The following EML1 variants were observed in gnomAD, a reference collection of about 807,000 sequenced individuals.
EML1 encodes echinoderm microtubule-associated protein-like 1.
EML1 carries 27 observed loss-of-function variants against 110.4 expected under a neutral mutation model. That is an observed-to-expected ratio of 0.24 (90% confidence interval 0.18 to 0.34). The LOEUF (loss-of-function observed/expected upper bound fraction) is 0.34, where lower values mean the gene tolerates loss of function less well. Among genes scored for constraint, EML1 ranks in the 10% least tolerant of loss-of-function variants. The pLI is 1.00. For synonymous variants in EML1, 344 were observed against 385.8 expected (o/e 0.89, Z 1.27); for missense variants, 741 against 1,030.9 (o/e 0.72, Z 3.85).
At chr14:99,893,488 G>T (rs1220417201) in intron 5 of EML1, among the ~76,000 whole-genome samples, 1 of 152,218 alleles carries the variant, frequency 6.6e-6, no homozygotes, top group Non-Finnish European at 1.5e-5. Flanking sequence ...GCAGTGTGAA[G>T]AGTGTGTCAC....
At chr14:99,797,322 A>G (rs577723483) in intron 1 of EML1, among the ~76,000 whole-genome samples, 69 of 152,330 alleles carry the variant, frequency 4.5e-4, no homozygotes, top group Admixed American at 2.0e-3. Flanking sequence ...GTGGAGAGAT[A>G]CCACACTGTT....
chr14:99,902,768 T>TCTTGGGGGGTCCCAAGATAA (rs1272872178), intron 9 of EML1, among the ~76,000 whole-genome samples: 2 of 152,202 alleles, frequency 1.3e-5, no homozygotes, highest in Admixed American at 6.5e-5. Flanking sequence ...ATTCCTCTCC[T>TCTTGGGGGGTCCCAAGATAA]CTTGGGGGGT....
intron 1 of EML1, among the ~76,000 whole-genome samples, chr14:99,805,070 G>A (rs1410869360): frequency 6.6e-6 from 1 of 152,186 alleles, no homozygotes; most frequent in Non-Finnish European, 1.5e-5. Context: ...CCGCTCCCTT[G>A]TCCTTCAGAA....
chr14:99,754,288 CA>C (rs1227300601), intron 1 of EML1, among the ~76,000 whole-genome samples: 2 of 152,250 alleles, frequency 1.3e-5, no homozygotes, highest in East Asian at 3.9e-4. Context: ...GTGACATCAC[CA>C]GCTTGGCGGG....
At chr14:99,849,460 T>C (rs866568113) in intron 1 of EML1, among the ~76,000 whole-genome samples, 12 of 152,166 alleles carry the variant, frequency 7.9e-5, no homozygotes, top group African/African-American at 2.9e-4. Context: ...TTTGCATTTA[T>C]TTTGCTTAGT....
At position 99,932,221 on chromosome 14, in the gene EML1, C is replaced by A. The variant is rs11847408; in HGVS notation, c.1910-3808C>A. Among the ~76,000 whole-genome samples, 1,153 of 152,306 alleles carry A rather than the reference C, an allele frequency of 7.6e-3. 24 individuals carry two copies. Among genetic ancestry groups the A allele is most frequent in the African/African-American group, 0.026 (1,085 of 41,562 alleles). The stretch of plus-strand genomic sequence containing the variant: ...GACTTCCCCAGGCAGAGGTGAGCTT[C>A]AACTCCTGCATGAAGACCGTGGATT... On this transcript the variant is annotated intron_variant, in intron 17 of 21. Coordinates refer to ENST00000262233, the MANE Select transcript of EML1 (RefSeq NM_004434.3).
chr14:99,803,659 A>G (rs2057921176), intron 1 of EML1, among the ~76,000 whole-genome samples: 1 of 152,244 alleles, frequency 6.6e-6, no homozygotes. Flanking sequence ...TCACTGGCTT[A>G]AAACAAATTA....
chr14:99,938,475 C>A (rs553071863), intron 20 of EML1, among the ~76,000 whole-genome samples: 4 of 152,194 alleles, frequency 2.6e-5, no homozygotes, highest in Non-Finnish European at 5.9e-5. Context: ...AGCTCCCAGT[C>A]GAAAACCCAA....
intron 1 of EML1, among the ~76,000 whole-genome samples, chr14:99,831,802 A>C (rs2058459294): frequency 6.6e-6 from 1 of 152,088 alleles, no homozygotes; most frequent in Admixed American, 6.5e-5. Flanking sequence ...TGAAATCATT[A>C]ACAAATATAC....
chr14:99,829,632 C>T (rs1744786418), intron 1 of EML1, among the ~76,000 whole-genome samples: 1 of 152,166 alleles, frequency 6.6e-6, no homozygotes, highest in South Asian at 2.1e-4. Context: ...CTCCCCATCC[C>T]TCCCGCCTCC....
At chr14:99,901,984 AG>A (rs1299073119) in intron 9 of EML1, among the ~76,000 whole-genome samples, 1 of 152,154 alleles carries the variant, frequency 6.6e-6, no homozygotes, top group Admixed American at 6.5e-5. Context: ...AAAGGGACAA[AG>A]ATCCATCTTC....
chr14:99,874,999 T>G (rs1309183400), intron 3 of EML1: 2 of 1,612,586 alleles, frequency 1.2e-6, no homozygotes, highest in Non-Finnish European at 1.7e-6. Flanking sequence ...TGAGGGGAAC[T>G]TAGATTTACT....
intron 1 of EML1, among the ~76,000 whole-genome samples, chr14:99,763,652 C>T (rs1196226730): frequency 2.6e-5 from 4 of 152,138 alleles, no homozygotes; most frequent in South Asian, 4.1e-4. Flanking sequence ...TTGTGGTCTT[C>T]GTGTTATTGT....
At chr14:99,779,348 T>C (rs568421383) in intron 1 of EML1, among the ~76,000 whole-genome samples, 20 of 152,344 alleles carry the variant, frequency 1.3e-4, no homozygotes, top group African/African-American at 4.8e-4. Flanking sequence ...ATTTTATAAA[T>C]AGCATTCTTA....
intron 17 of EML1, among the ~76,000 whole-genome samples, chr14:99,926,583 C>A (rs2140101378): frequency 6.6e-6 from 1 of 151,708 alleles, no homozygotes; most frequent in Admixed American, 6.6e-5. Flanking sequence ...CTGCCCCTGG[C>A]AGCTCTTATT....
rs1270813975 is a variant in EML1, at chr14:99,886,219, C to A, written c.519-4980C>A. On this transcript the variant is annotated intron_variant, in intron 4 of 21. Transcript: ENST00000262233. Reference sequence around the variant, plus strand: ...TCATGTGGCTGAGCCCAGTGGCTCACACCTGGAATCCCAGCACTTTGGGAG... The same window carrying A: ...TCATGTGGCTGAGCCCAGTGGCTCAAACCTGGAATCCCAGCACTTTGGGAG... 2.9e-5 allele frequency: 6 copies of A among 203,914 alleles called. No homozygotes were observed. In the Admixed American group the frequency reaches 3.4e-4, roughly 11 times the overall value. 12.6% of individuals were successfully genotyped at this position (203,914 alleles called of 1,614,324 possible).
intron 17 of EML1, among the ~76,000 whole-genome samples, chr14:99,921,112 G>A (rs933384797): frequency 4.8e-5 from 7 of 146,604 alleles, no homozygotes; most frequent in Non-Finnish European, 1.0e-4. Flanking sequence ...CTTGTTCCCC[G>A]CCCAGTGTGT....
chr14:99,848,638 G>A (rs927836704), intron 1 of EML1, among the ~76,000 whole-genome samples: 1 of 151,982 alleles, frequency 6.6e-6, no homozygotes, highest in Non-Finnish European at 1.5e-5. Context: ...TATAAATCCT[G>A]TAAGACAATA....
chr14:99,866,512 G>A (rs756572238), intron 3 of EML1, among the ~76,000 whole-genome samples: 5 of 143,738 alleles, frequency 3.5e-5, no homozygotes, highest in East Asian at 4.5e-4. Context: ...CAAGGTTGCA[G>A]TGAGTCAAGA....
Sources: gnomAD v4.1 joint callset for allele counts (sites outside exome capture counted in the v4.1 genomes callset) on GRCh38, gnomAD v4.1.1 for gene constraint, MANE v1.5 for transcripts, NCBI Gene and HGNC (gene_info 2026-07-23, HGNC 2026-07-21) for gene names.